DTWD2: variants seen among roughly 807,000 people sequenced by gnomAD.
DTWD2 encodes the protein tRNA-uridine aminocarboxypropyltransferase 2.
A neutral mutation model predicts 31.8 loss-of-function variants in DTWD2; 39 were observed. That is an observed-to-expected ratio of 1.22 (90% CI 0.95 to 1.60). The LOEUF is 1.60. DTWD2 is among the 40% of genes most tolerant of loss of function. The pLI is 0.00. For missense variants in DTWD2, 515 were observed against 381.5 expected (o/e 1.35, Z -2.92); for synonymous variants, 180 against 142.8 (o/e 1.26, Z -1.86).
At chr5:118,961,911 T>C (rs1754714741) in intron 1 of DTWD2, among the ~76,000 whole-genome samples, 1 of 152,198 alleles carries the variant, frequency 6.6e-6, no homozygotes, top group Non-Finnish European at 1.5e-5. Flanking sequence ...GAGCATATAA[T>C]AGTGCTATGA....
chr5:118,910,512 G>A (rs1561451787), intron 4 of DTWD2, among the ~76,000 whole-genome samples: 2 of 152,138 alleles, frequency 1.3e-5, no homozygotes, highest in African/African-American at 4.8e-5. Context: ...TAAGAAAACT[G>A]GGGCTTTCTC....
At chr5:118,881,055 AT>A (rs1752729021) in intron 4 of DTWD2, among the ~76,000 whole-genome samples, 1 of 152,204 alleles carries the variant, frequency 6.6e-6, no homozygotes, top group African/African-American at 2.4e-5. Flanking sequence ...TATATATTAG[AT>A]TTTGAATGCA....
chr5:118,951,651 G>T (rs1367894520), intron 1 of DTWD2, among the ~76,000 whole-genome samples: 1 of 152,166 alleles, frequency 6.6e-6, no homozygotes, highest in Non-Finnish European at 1.5e-5. Context: ...GGTGTGAGTT[G>T]AAGAGGTTTT....
chr5:118,948,161 C>A (rs918912028), intron 1 of DTWD2, among the ~76,000 whole-genome samples: 3 of 152,044 alleles, frequency 2.0e-5, no homozygotes, highest in East Asian at 1.9e-4. Flanking sequence ...GGCGATTAAG[C>A]CTGGTGGAAC....
intron 4 of DTWD2, among the ~76,000 whole-genome samples, chr5:118,849,779 G>A (rs1179482127): frequency 2.0e-5 from 3 of 152,082 alleles, no homozygotes; most frequent in Non-Finnish European, 2.9e-5. Context: ...CACAGGAATC[G>A]AAAACCAAAC....
At chr5:118,962,782 T>G (rs1334983801) in intron 1 of DTWD2, among the ~76,000 whole-genome samples, 1 of 152,254 alleles carries the variant, frequency 6.6e-6, no homozygotes, top group Non-Finnish European at 1.5e-5. Flanking sequence ...GGTAGTATTT[T>G]TAGCCTAACT....
chr5:118,841,179 T>C, intron 5 of DTWD2, 92 bp from the exon 6 acceptor site: 1 of 1,424,670 alleles, frequency 7.0e-7, no homozygotes, highest in South Asian at 1.4e-5. Context: ...GTTACTATGT[T>C]TCTTTTATTA....
intron 4 of DTWD2, 127 bp downstream of exon 4, chr5:118,928,410 T>C: frequency 2.0e-6 from 1 of 510,080 alleles, no homozygotes; most frequent in Non-Finnish European, 3.1e-6. Context: ...CTAGGTACTA[T>C]ATATTCACAC....
intron 1 of DTWD2, among the ~76,000 whole-genome samples, chr5:118,978,168 T>C (rs1755210027): frequency 6.6e-6 from 1 of 151,796 alleles, no homozygotes; most frequent in Non-Finnish European, 1.5e-5. Flanking sequence ...TGGCTAGCCA[T>C]ATGCAGCAGA....
At chr5:118,938,838 T>C (rs907554699) in intron 3 of DTWD2, among the ~76,000 whole-genome samples, 1 of 110,200 alleles carries the variant, frequency 9.1e-6, no homozygotes, top group African/African-American at 3.7e-5. Context: ...TTGTGGAAGA[T>C]ATTTAAGAAA....
intron 1 of DTWD2, among the ~76,000 whole-genome samples, chr5:118,971,534 G>A (rs1754987819): frequency 6.6e-6 from 1 of 152,148 alleles, no homozygotes; most frequent in South Asian, 2.1e-4. Context: ...ATAATAGTGA[G>A]AGACTTTAAC....
intron 4 of DTWD2, among the ~76,000 whole-genome samples, chr5:118,879,522 A>G (rs1156293146): frequency 6.6e-6 from 1 of 151,490 alleles, no homozygotes; most frequent in East Asian, 1.9e-4. Context: ...AGGCAGGAGA[A>G]TCACTTGAAC....
chr5:118,844,320 T>C (rs1001064824), intron 5 of DTWD2, among the ~76,000 whole-genome samples: 4 of 152,178 alleles, frequency 2.6e-5, no homozygotes, highest in African/African-American at 7.2e-5. Flanking sequence ...ATTCCTATGA[T>C]AAAACTTCGT....
intron 1 of DTWD2, among the ~76,000 whole-genome samples, chr5:118,950,213 C>CAAAA (rs764214153): frequency 2.8e-4 from 14 of 49,588 alleles, no homozygotes; most frequent in African/African-American, 3.1e-4. Flanking sequence ...ACTCCATCTC[C>CAAAA]AAAAAAAAAA....
intron 4 of DTWD2, among the ~76,000 whole-genome samples, chr5:118,898,732 C>A (rs374569105): frequency 6.7e-6 from 1 of 150,262 alleles, no homozygotes; most frequent in African/African-American, 2.4e-5. Flanking sequence ...AAAACAGTTA[C>A]GAAAATCTAC....
rs77658895 is a variant in DTWD2, at chr5:118,848,218, C to T, written c.598G>A (p.Val200Met). The change falls in exon 5 of 6, where the codon GTG becomes ATG. Residue 200 changes from valine to methionine, a missense_variant and splice_region_variant. By Grantham distance (21) the Val-to-Met change is conservative. Transcript: ENST00000510708. ...CTAGAAATGCTAGTTTTTAATTGCACCTGAAATCAAAAACAAAATAGAACA... is the reference window on the plus strand; with the variant it reads ...CTAGAAATGCTAGTTTTTAATTGCATCTGAAATCAAAAACAAAATAGAACA... Reference protein sequence around the residue: ...KNSLFRHPKQVQLKTSISSQY... With the variant: ...KNSLFRHPKQMQLKTSISSQY... The T allele has an allele frequency of 2.0e-5, 31 of 1,577,176 alleles. No individual in the cohort carries two copies. Among genetic ancestry groups the T allele is most frequent in the South Asian group, 1.7e-4 (14 of 83,402 alleles).
chr5:118,848,620 C>A (rs1427306992), intron 4 of DTWD2, among the ~76,000 whole-genome samples: 1 of 151,768 alleles, frequency 6.6e-6, no homozygotes, highest in Non-Finnish European at 1.5e-5. Context: ...CAGCTAAAAT[C>A]AAAAAGGCTA....
chr5:118,921,444 T>C (rs761264350), intron 4 of DTWD2, among the ~76,000 whole-genome samples: 6 of 149,354 alleles, frequency 4.0e-5, no homozygotes, highest in Middle Eastern at 3.2e-3. Context: ...GCTTTGAGCC[T>C]AGGAGTTGGA....
chr5:118,933,919 T>TAAAA (rs574493623), intron 3 of DTWD2, among the ~76,000 whole-genome samples: 98 of 143,066 alleles, frequency 6.8e-4, no homozygotes, highest in Admixed American at 1.8e-3. Context: ...AATAAATAAA[T>TAAAA]AAAAATAACC....
Sources: gnomAD v4.1 joint callset for allele counts (sites outside exome capture counted in the v4.1 genomes callset) on GRCh38, gnomAD v4.1.1 for gene constraint, MANE v1.5 for transcripts, NCBI Gene and HGNC (gene_info 2026-07-23, HGNC 2026-07-21) for gene names.